Variants in PDXK observed in about 807,000 individuals in gnomAD.
The protein encoded by PDXK is pyridoxal kinase.
Under a neutral mutation model 43.2 loss-of-function variants are expected in PDXK, and 15 were observed. The ratio of observed to expected loss-of-function variants is 0.35; its 90% CI spans 0.23 to 0.53. PDXK has a LOEUF of 0.53. Ranked by LOEUF, PDXK falls within the 20% of genes least tolerant of loss-of-function variation. The pLI, the probability that PDXK is intolerant of heterozygous loss-of-function variation, is 0.92. For synonymous variants in PDXK, 172 were observed against 165.4 expected, an observed-to-expected ratio of 1.04 and a Z score of -0.31; for missense variants, 343 against 417.0, an observed-to-expected ratio of 0.82 and a Z score of 1.54.
At chr21:43,719,921 C>T in intron 1 of PDXK, 2 of 985,398 alleles carry the variant, frequency 2.0e-6, no homozygotes, top group African/African-American at 1.7e-5. Context: ...GGTGGATTCC[C>T]CTCGGCCTGA....
chr21:43,745,879 C>T, intron 4 of PDXK, 200 bp from the exon 5 acceptor site: 1 of 608,586 alleles, frequency 1.6e-6, no homozygotes, highest in Non-Finnish European at 3.0e-6. Flanking sequence ...TGCCTGTGGT[C>T]TCAGCCACTT....
chr21:43,732,185 A>G lies in PDXK; in HGVS notation c.88-1884A>G. On this transcript the variant is annotated intron_variant, in intron 1 of 10. Transcript: ENST00000291565. The surrounding 1 kb of genome is among the most constrained non-coding windows in gnomAD (Gnocchi z 4.1). ...TACCTCCTGGTGGTGCCTGGGAGGG[A>G]GCCACTGCTGTACAGAGATGCCAAT... The G allele has an allele frequency of 1.4e-6, 2 of 1,418,876 alleles. No individual in the cohort carries two copies. The highest frequency in any genetic ancestry group is 3.2e-5 in the South Asian group (2 of 63,466). 87.9% of individuals were successfully genotyped at this position (1,418,876 alleles called of 1,614,324 possible).
At chr21:43,748,493 A>C (rs2083676890) in intron 5 of PDXK, 1 of 153,326 alleles carries the variant, frequency 6.5e-6, no homozygotes, top group African/African-American at 2.4e-5. Flanking sequence ...CTCAAAAAAC[A>C]AAACAAAACA....
In PDXK at chr21:43,734,057, T is replaced by G. The variant is rs149681859; in HGVS notation, c.88-12T>G. 2.3e-5 allele frequency: 37 copies of G among 1,614,088 alleles called. No individual in the cohort carries two copies. The African/African-American group carries it at 3.6e-4, about 16-fold the overall frequency. On this transcript the variant is annotated splice_polypyrimidine_tract_variant and intron_variant, in intron 1 of 10. Transcript: ENST00000291565. This position sits in a 1 kb window ranked among gnomAD's most constrained non-coding sequence, Gnocchi z 5.0. ...CTCTCTTACGCCTACCTGTTCCTTC[T>G]CTGTCTTGCAGGTTTTGGGATTTGA...
In PDXK at chr21:43,732,402, G is replaced by A; in HGVS notation, c.88-1667G>A. 1 of 1,612,926 alleles carries A rather than the reference G, an allele frequency of 6.2e-7. No homozygotes were observed. Among genetic ancestry groups the A allele is most frequent in the South Asian group, 1.1e-5 (1 of 91,048 alleles). On this transcript the variant is annotated intron_variant, in intron 1 of 10. Transcript: ENST00000291565. This position sits in a 1 kb window ranked among gnomAD's most constrained non-coding sequence, Gnocchi z 4.1. ...GATGGGTAGACTCTGGAAGCGTCCAGACCAGCTTGCGATGCTGATGAATAA... is the reference window on the plus strand; with the variant it reads ...GATGGGTAGACTCTGGAAGCGTCCAAACCAGCTTGCGATGCTGATGAATAA...
intron 7 of PDXK, among the ~76,000 whole-genome samples, chr21:43,752,131 G>A (rs1395303316): frequency 3.3e-5 from 5 of 152,214 alleles, no homozygotes; most frequent in Admixed American, 6.5e-5. Context: ...GTGTGTGCGC[G>A]CGCGTGCTGC....
chr21:43,751,454 C>G (rs1025211094), intron 7 of PDXK, among the ~76,000 whole-genome samples: 9 of 152,194 alleles, frequency 5.9e-5, no homozygotes, highest in African/African-American at 2.2e-4. Context: ...GAGGCTGAGG[C>G]AGGAGAATCG....
intron 6 of PDXK, 55 bp from the exon 7 acceptor site, chr21:43,750,445 C>G: frequency 6.7e-7 from 1 of 1,493,418 alleles, no homozygotes; most frequent in Non-Finnish European, 9.2e-7. Flanking sequence ...CAACACACAA[C>G]CCGGAGAGGA....
chr21:43,746,805 CT>C (rs941664166), intron 5 of PDXK, among the ~76,000 whole-genome samples: 1 of 152,164 alleles, frequency 6.6e-6, no homozygotes, highest in South Asian at 2.1e-4. Context: ...AAGTGTCATT[CT>C]TTTTTTGGCT....
At chr21:43,738,067 T>G (rs763469355) in intron 2 of PDXK, 40 of 984,650 alleles carry the variant, frequency 4.1e-5, no homozygotes, top group Middle Eastern at 5.2e-4. Flanking sequence ...ATGGCTGTTA[T>G]GGCTGAATTA....
intron 1 of PDXK, among the ~76,000 whole-genome samples, chr21:43,733,064 T>C (rs1044581173): frequency 6.6e-6 from 1 of 152,190 alleles, no homozygotes; most frequent in African/African-American, 2.4e-5. Flanking sequence ...AAAGTTAAAG[T>C]GCTAACTTTA....
chr21:43,748,176 G>A (rs542903639), intron 5 of PDXK, among the ~76,000 whole-genome samples: 10 of 152,320 alleles, frequency 6.6e-5, no homozygotes, highest in South Asian at 6.2e-4. Flanking sequence ...CACTGCCTCC[G>A]GCTTAAATTT....
chr21:43,740,249 G>T (rs1451444306), intron 2 of PDXK, among the ~76,000 whole-genome samples: 1 of 152,114 alleles, frequency 6.6e-6, no homozygotes, highest in Admixed American at 6.5e-5. Context: ...CCCTTCCAGC[G>T]GGAGCCAGCG....
intron 1 of PDXK, among the ~76,000 whole-genome samples, chr21:43,727,363 G>C (rs973129857): frequency 6.7e-6 from 1 of 148,756 alleles, no homozygotes; most frequent in African/African-American, 2.4e-5. Flanking sequence ...GGCCGGCAGC[G>C]CCTCCCTTCC....
chr21:43,750,394 G>A (rs1296885547), intron 6 of PDXK, 106 bp from the exon 7 acceptor site: 1 of 979,146 alleles, frequency 1.0e-6, no homozygotes, highest in East Asian at 2.7e-5. Context: ...AGCTGCCTGT[G>A]GGGATGGGGA....
At chr21:43,752,682 T>C in intron 8 of PDXK, 53 bp downstream of exon 8, 1 of 1,112,814 alleles carries the variant, frequency 9.0e-7, no homozygotes, top group Non-Finnish European at 1.4e-6. Flanking sequence ...CAGAGGAAGG[T>C]GTTCTTTGGG....
chr21:43,742,466 G>A (rs996881281), intron 3 of PDXK, among the ~76,000 whole-genome samples: 2 of 152,152 alleles, frequency 1.3e-5, no homozygotes, highest in African/African-American at 4.8e-5. Flanking sequence ...ACAGGCGTGA[G>A]CCACTGCAGC....
chr21:43,736,083 CAG>C (rs1044785424), intron 2 of PDXK, among the ~76,000 whole-genome samples: 1 of 152,250 alleles, frequency 6.6e-6, no homozygotes, highest in African/African-American at 2.4e-5. Context: ...CAGACCTTGA[CAG>C]AGCTGGAGGC....
At chr21:43,752,410 G>C (rs2083769557) in intron 7 of PDXK, 108 bp from the exon 8 acceptor site, 1 of 739,664 alleles carries the variant, frequency 1.4e-6, no homozygotes. Context: ...ACCGGCCGTG[G>C]CTGATGCTCC....
Sources: allele counts gnomAD v4.1 joint callset (sites outside exome capture counted in the v4.1 genomes callset), GRCh38; gene constraint gnomAD v4.1.1; non-coding constraint Gnocchi (gnomAD v3.1); transcripts MANE v1.5; gene names NCBI Gene and HGNC (gene_info 2026-07-23, HGNC 2026-07-21).